The following PIWIL1 variants were observed in gnomAD, a reference collection of about 807,000 sequenced individuals.
The protein encoded by PIWIL1 is piwi like RNA-mediated gene silencing 1.
A neutral mutation model predicts 114.4 loss-of-function variants in PIWIL1; 73 were observed. The ratio of observed to expected loss-of-function variants is 0.64; its 90% CI spans 0.53 to 0.78. PIWIL1 has a LOEUF of 0.78. Among genes scored for constraint, PIWIL1 ranks in the 30% least tolerant of loss-of-function variants. PIWIL1 has a pLI of 0.00. For missense variants in PIWIL1, 723 were observed against 1,063.1 expected, an observed-to-expected ratio of 0.68 and a Z score of 4.45; for synonymous variants, 375 against 369.0, an observed-to-expected ratio of 1.02 and a Z score of -0.19.
chr12:130,398,928 A>T, the PIWIL1 span: 1 of 325,390 alleles, frequency 3.1e-6, no homozygotes, highest in Non-Finnish European at 5.7e-6. Context: ...TTCACTATAA[A>T]TTCAGTTGCT....
At position 130,361,566 on chromosome 12, in the gene PIWIL1, A is replaced by G. The variant is rs764534840; in HGVS notation, c.1935A>G (p.Ala645=). Residue 645 remains alanine (A), a synonymous_variant, in exon 16 of 21, where the codon GCA becomes GCG. Coordinates refer to ENST00000245255, the MANE Select transcript of PIWIL1 (RefSeq NM_004764.5). ...TGACAGCTGGGCGGAGGTCAATCGC[A>G]GGATTTGTTGCCAGCATCAATGAAG... is the stretch of plus-strand genomic sequence containing the variant. ...HDMTAGRRSI[A]GFVASINEGM... is the part of the protein sequence containing the mutation. 1.2e-6 allele frequency: 2 copies of G among 1,614,198 alleles called. No individual in the cohort carries two copies. The highest frequency in any genetic ancestry group is 2.2e-5 in the East Asian group (1 of 44,878).
At chr12:130,346,294 C>A in intron 4 of PIWIL1, 76 bp from the exon 5 acceptor site, 1 of 1,137,814 alleles carries the variant, frequency 8.8e-7, no homozygotes, top group Non-Finnish European at 1.3e-6. Context: ...ACTGTGCCTG[C>A]CTTGTCATGG....
chr12:130,402,381 GCAGT>G, the PIWIL1 span, among the ~76,000 whole-genome samples: 1 of 152,018 alleles, frequency 6.6e-6, no homozygotes, highest in Non-Finnish European at 1.5e-5. Context: ...CCTCTGACTG[GCAGT>G]CAGAACGCTG....
At chr12:130,370,422 A>C in intron 19 of PIWIL1, among the ~76,000 whole-genome samples, 1 of 152,180 alleles carries the variant, frequency 6.6e-6, no homozygotes. Flanking sequence ...ATACAGTAAA[A>C]CAACTATTTA....
chr12:130,357,099 C>T lies in PIWIL1; in HGVS notation c.1586C>T (p.Ala529Val). The change falls in exon 13 of 21, where the codon GCA (alanine) becomes GTA (valine). Residue 529 changes from alanine to valine, a missense_variant. Ala to Val is a moderately conservative substitution (Grantham distance 64). Coordinates refer to ENST00000245255, the MANE Select transcript of PIWIL1 (RefSeq NM_004764.5). ...GCCATGGGCATGCAAATGAGAAAAG[C>T]AATAATGTAAGTTAATCAAGTCATT... Reference protein sequence around the residue: ...TPAMGMQMRKAIMIEVDDRTE... With the variant: ...TPAMGMQMRKVIMIEVDDRTE... 1 of 1,606,846 alleles carries T rather than the reference C, an allele frequency of 6.2e-7. No homozygotes were observed. Among genetic ancestry groups the T allele is most frequent in the Non-Finnish European group, 8.5e-7 (1 of 1,174,910 alleles).
chr12:130,389,885 C>T, the PIWIL1 span, among the ~76,000 whole-genome samples: 1 of 152,206 alleles, frequency 6.6e-6, no homozygotes, highest in African/African-American at 2.4e-5. Flanking sequence ...GCTTGTCGTG[C>T]TTTCATTGTA....
chr12:130,338,788 A>C (rs1297309258), intron 1 of PIWIL1, among the ~76,000 whole-genome samples: 7 of 83,866 alleles, frequency 8.3e-5, no homozygotes, highest in Non-Finnish European at 4.5e-5. Flanking sequence ...GCGATGTATC[A>C]GGTGTGGGGG....
rs1204050816 is a variant in PIWIL1, at chr12:130,355,677, T to G, written c.1404+10T>G. The G allele has an allele frequency of 6.4e-7, 1 of 1,571,214 alleles. No homozygotes were observed. The highest frequency in any genetic ancestry group is 1.7e-5 in the Admixed American group (1 of 59,986). On this transcript the variant is annotated intron_variant, in intron 12 of 20. Transcript: ENST00000245255. The stretch of plus-strand genomic sequence containing the variant: ...CCAAGGTGGAAAAACAGTAAGGCAG[T>G]TTTTCGTTGGTGTTGTTGTTGTTTT...
intron 3 of PIWIL1, among the ~76,000 whole-genome samples, chr12:130,343,360 C>T (rs538535065): frequency 8.1e-4 from 124 of 152,168 alleles, no homozygotes; most frequent in African/African-American, 2.8e-3. Flanking sequence ...GGAACAGTTC[C>T]CTATCTGTAA....
intron 9 of PIWIL1, among the ~76,000 whole-genome samples, chr12:130,353,098 A>G (rs771539833): frequency 2.5e-4 from 38 of 152,240 alleles, no homozygotes; most frequent in Admixed American, 1.0e-3. Context: ...TAGTCTGCTG[A>G]TGAGAGACAG....
chr12:130,381,601 A>G, the PIWIL1 span, among the ~76,000 whole-genome samples: 1 of 152,204 alleles, frequency 6.6e-6, no homozygotes, highest in Non-Finnish European at 1.5e-5. Flanking sequence ...GTTTTGGCAA[A>G]TATGAATAAA....
chr12:130,348,927 C>T (rs1205125021), intron 7 of PIWIL1, among the ~76,000 whole-genome samples: 3 of 152,010 alleles, frequency 2.0e-5, no homozygotes, highest in Non-Finnish European at 2.9e-5. Context: ...ATATTGCAGC[C>T]CAACAGGTTT....
the PIWIL1 span, chr12:130,422,586 C>T: frequency 7.0e-5 from 107 of 1,518,328 alleles, no homozygotes; most frequent in Middle Eastern, 8.5e-4. The surrounding 1 kb of genome is among the most constrained non-coding windows in gnomAD (Gnocchi z 5.2). Flanking sequence ...ACAACAAAGT[C>T]GTAAGTCTCG....
the PIWIL1 span, chr12:130,383,240 A>G: frequency 2.0e-5 from 3 of 152,182 alleles, no homozygotes; most frequent in Admixed American, 2.0e-4. Context: ...AGGCTATTTC[A>G]TGAGGGACAA....
chr12:130,424,259 G>C, the PIWIL1 span: 22 of 1,231,710 alleles, frequency 1.8e-5, no homozygotes, highest in Non-Finnish European at 2.2e-5. This position sits in a 1 kb window ranked among gnomAD's most constrained non-coding sequence, Gnocchi z 9.8. Flanking sequence ...CGGTGGGCTC[G>C]CCCCAGCCGT....
At chr12:130,341,300 C>T (rs1176175141) in intron 1 of PIWIL1, among the ~76,000 whole-genome samples, 2 of 152,168 alleles carry the variant, frequency 1.3e-5, no homozygotes, top group Non-Finnish European at 2.9e-5. Context: ...GGGTTGTTAC[C>T]GTTTGTGTGA....
Position 130,346,522 on chromosome 12 carries a change from A to G in PIWIL1, c.469A>G (p.Ile157Val), listed in dbSNP as rs1224897230. 1 of 1,614,184 alleles carries G rather than the reference A, an allele frequency of 6.2e-7. No homozygotes were observed. Among genetic ancestry groups the G allele is most frequent in the Non-Finnish European group, 8.5e-7 (1 of 1,180,008 alleles). ...SALLFQHEDL[I>V]GKCHAFDGTI... ...TCTTCTTTTTCAACACGAAGATCTA[A>G]TTGGAAAGTGTCATGCTTTTGATGG... Residue 157 changes from isoleucine to valine, a missense_variant, in exon 5 of 21, where the codon ATT (isoleucine) becomes GTT (valine). Physicochemically the swap from Ile to Val is conservative, Grantham distance 29. Coordinates refer to ENST00000245255, the MANE Select transcript of PIWIL1 (RefSeq NM_004764.5).
chr12:130,400,341 A>G, the PIWIL1 span, among the ~76,000 whole-genome samples: 1 of 152,200 alleles, frequency 6.6e-6, no homozygotes, highest in Non-Finnish European at 1.5e-5. Flanking sequence ...ACATTCAAAC[A>G]ATATGGAGAA....
chr12:130,421,919 C>T, the PIWIL1 span, among the ~76,000 whole-genome samples: 4 of 152,196 alleles, frequency 2.6e-5, no homozygotes, highest in African/African-American at 4.8e-5. Flanking sequence ...AGAATGGAAA[C>T]GGAATGCCAG....
Sources: allele counts gnomAD v4.1 joint callset (sites outside exome capture counted in the v4.1 genomes callset), GRCh38; gene constraint gnomAD v4.1.1; non-coding constraint Gnocchi (gnomAD v3.1); transcripts MANE v1.5; gene names NCBI Gene and HGNC (gene_info 2026-07-23, HGNC 2026-07-21).